C3orf33: variants seen among roughly 807,000 people sequenced by gnomAD.
C3orf33 encodes the protein mitochondrial inner membrane subdomain organizer 1.
A neutral mutation model predicts 28.7 loss-of-function variants in C3orf33; 23 were observed. That is an observed-to-expected ratio of 0.80 (90% CI 0.58 to 1.13). The LOEUF is 1.13. Among genes scored for constraint, C3orf33 ranks in the 50% most tolerant of loss-of-function variants. The pLI, the probability that C3orf33 is intolerant of heterozygous loss-of-function variation, is 0.00. For synonymous variants in C3orf33, 119 were observed against 120.5 expected (o/e 0.99, Z 0.08); for missense variants, 327 against 353.4 (o/e 0.93, Z 0.60).
Position 155,797,358 on chromosome 3 carries a change from TG to T in C3orf33, c.174+5173del, listed in dbSNP as rs562361156. Among the ~76,000 whole-genome samples, 7 of 152,270 alleles carry T rather than the reference TG, an allele frequency of 4.6e-5. No individual in the cohort carries two copies. The South Asian group carries it at 1.5e-3, about 32-fold the overall frequency. On this transcript the variant is annotated intron_variant, in intron 2 of 4. Transcript: ENST00000340171. ...CCCGCAGCCCTAGTATCACACTGAATGGGGAAAAACTGAAAGCCTTTCCTCT... is the reference window on the plus strand; with the variant it reads ...CCCGCAGCCCTAGTATCACACTGAATGGGAAAAACTGAAAGCCTTTCCTCT...
intron 3 of C3orf33, 23 bp downstream of exon 3, chr3:155,775,678 C>T: frequency 1.4e-6 from 2 of 1,439,130 alleles, no homozygotes. Flanking sequence ...TAGTTAGTTT[C>T]ATTAATCTTG....
At chr3:155,783,346 G>T (rs1240356355) in intron 2 of C3orf33, among the ~76,000 whole-genome samples, 1 of 151,880 alleles carries the variant, frequency 6.6e-6, no homozygotes, top group Admixed American at 6.6e-5. Context: ...GTAGAGACAC[G>T]TTTTCGCCAT....
intron 2 of C3orf33, among the ~76,000 whole-genome samples, chr3:155,776,541 T>A (rs909064595): frequency 7.2e-5 from 11 of 151,900 alleles, no homozygotes; most frequent in Non-Finnish European, 1.2e-4. Context: ...CCCAGCACTT[T>A]GGGAGGCTTA....
chr3:155,769,833 G>A (rs905848029), intron 3 of C3orf33, among the ~76,000 whole-genome samples: 2 of 152,212 alleles, frequency 1.3e-5, no homozygotes, highest in African/African-American at 4.8e-5. Flanking sequence ...GCAAGTCTCA[G>A]ATAAATCCAT....
chr3:155,784,018 G>A (rs956024723), intron 2 of C3orf33, among the ~76,000 whole-genome samples: 11 of 151,078 alleles, frequency 7.3e-5, no homozygotes, highest in South Asian at 2.1e-4. Flanking sequence ...CACAACCTCC[G>A]CCTCCCGGGT....
In C3orf33 at chr3:155,771,128, C is replaced by T. The variant is rs529925487; in HGVS notation, c.323-3459G>A. Among the ~76,000 whole-genome samples, 5 of 150,624 alleles carry T rather than the reference C, an allele frequency of 3.3e-5. No homozygotes were observed. The East Asian group carries it at 9.9e-4, about 30-fold the overall frequency. ...TGTGTGTGTATGTGGTGTGTGGAGA[C>T]ATGGTTTTGCTCTGCCACCCAGGCT... is the stretch of plus-strand genomic sequence containing the variant. On this transcript the variant is annotated intron_variant, in intron 3 of 4. Coordinates refer to ENST00000340171, the MANE Select transcript of C3orf33 (RefSeq NM_001308229.2).
intron 2 of C3orf33, among the ~76,000 whole-genome samples, chr3:155,800,596 T>G (rs993214863): frequency 1.1e-5 from 1 of 91,450 alleles, no homozygotes; most frequent in Non-Finnish European, 2.0e-5. Context: ...GTCAACAGAG[T>G]GAGACCTTAT....
intron 2 of C3orf33, among the ~76,000 whole-genome samples, chr3:155,797,143 C>T (rs1751496553): frequency 6.6e-6 from 1 of 152,132 alleles, no homozygotes; most frequent in Admixed American, 6.6e-5. Context: ...CGGGGTCACA[C>T]CACTGCACTC....
chr3:155,775,697 T>C lies in C3orf33; in HGVS notation c.322+4A>G. The C allele has an allele frequency of 6.6e-7, 1 of 1,514,272 alleles. No individual in the cohort carries two copies. Among genetic ancestry groups the C allele is most frequent in the Non-Finnish European group, 9.0e-7 (1 of 1,108,786 alleles). 93.8% of individuals were successfully genotyped at this position (1,514,272 alleles called of 1,614,324 possible). A position where few individuals can be genotyped will look rare whatever the true frequency, so the allele number is the denominator to read the frequency against. The stretch of plus-strand genomic sequence containing the variant: ...TAGTTTCATTAATCTTGTACCTTAC[T>C]TACTTCTCAATGAAGCTATAATAGG... On this transcript the variant is annotated splice_donor_region_variant and intron_variant, in intron 3 of 4. Coordinates refer to ENST00000340171, the MANE Select transcript of C3orf33 (RefSeq NM_001308229.2).
chr3:155,773,984 A>G (rs1004058171), intron 3 of C3orf33, among the ~76,000 whole-genome samples: 36 of 152,130 alleles, frequency 2.4e-4, no homozygotes, highest in Non-Finnish European at 3.4e-4. Context: ...TTTGGGGGGG[A>G]AAATCAATCT....
chr3:155,793,953 C>T (rs965565366), intron 2 of C3orf33, among the ~76,000 whole-genome samples: 3 of 150,274 alleles, frequency 2.0e-5, no homozygotes, highest in Admixed American at 1.3e-4. Flanking sequence ...TTTGTCTTTG[C>T]TTCAGTGTTA....
chr3:155,793,821 A>C (rs1474793974), intron 2 of C3orf33, among the ~76,000 whole-genome samples: 1 of 104,644 alleles, frequency 9.6e-6, no homozygotes, highest in South Asian at 2.9e-4. Context: ...AAAAAAAAAA[A>C]AAAAAACTAA....
At chr3:155,770,178 T>C (rs1750537524) in intron 3 of C3orf33, among the ~76,000 whole-genome samples, 1 of 152,206 alleles carries the variant, frequency 6.6e-6, no homozygotes, top group Non-Finnish European at 1.5e-5. Flanking sequence ...ACAAAACTCT[T>C]TGCCTTGCTC....
chr3:155,776,759 CAAAA>C (rs10654812), intron 2 of C3orf33, among the ~76,000 whole-genome samples: 2,248 of 86,658 alleles, frequency 0.026, 22 homozygotes, highest in African/African-American at 0.056. Flanking sequence ...CTGACTCTGT[CAAAA>C]AAAAAAAAAA....
At chr3:155,771,882 G>T (rs1163067316) in intron 3 of C3orf33, among the ~76,000 whole-genome samples, 1 of 152,182 alleles carries the variant, frequency 6.6e-6, no homozygotes, top group Non-Finnish European at 1.5e-5. Flanking sequence ...TTAGGCTCCA[G>T]TGGAGTACTC....
intron 2 of C3orf33, among the ~76,000 whole-genome samples, chr3:155,793,221 AAAC>A (rs1404148627): frequency 1.3e-5 from 2 of 151,726 alleles, no homozygotes; most frequent in African/African-American, 4.8e-5. Flanking sequence ...AAAAAAAAAA[AAAC>A]CTGTAATTAC....
intron 2 of C3orf33, among the ~76,000 whole-genome samples, chr3:155,787,920 G>A (rs533536488): frequency 3.9e-5 from 6 of 152,046 alleles, no homozygotes; most frequent in South Asian, 2.1e-4. Context: ...GGCCGGGCGC[G>A]GTGGCTCATG....
chr3:155,801,044 G>A (rs182160498), intron 2 of C3orf33, among the ~76,000 whole-genome samples: 174 of 152,226 alleles, frequency 1.1e-3, no homozygotes, highest in African/African-American at 3.9e-3. Context: ...ATTAAAAATA[G>A]GACGGGTGTT....
chr3:155,790,236 A>C (rs1751271980), intron 2 of C3orf33, among the ~76,000 whole-genome samples: 1 of 151,372 alleles, frequency 6.6e-6, no homozygotes, highest in East Asian at 1.9e-4. Context: ...AGAAAAAAAA[A>C]AAAAAGGTCA....
Sources: allele counts gnomAD v4.1 joint callset (sites outside exome capture counted in the v4.1 genomes callset), GRCh38; gene constraint gnomAD v4.1.1; transcripts MANE v1.5; gene names NCBI Gene and HGNC (gene_info 2026-07-23, HGNC 2026-07-21).